The following PCSK2 variants were observed in gnomAD, a reference collection of about 807,000 sequenced individuals.
PCSK2 encodes neuroendocrine convertase 2.
Under a neutral mutation model 69.7 loss-of-function variants are expected in PCSK2, and 14 were observed. The observed-to-expected ratio is 0.20, with a 90% CI of 0.13 to 0.31. The LOEUF is 0.31. Ranked by LOEUF, PCSK2 falls within the 10% of genes least tolerant of loss-of-function variation. The pLI, the probability that PCSK2 is intolerant of heterozygous loss-of-function variation, is 1.00. For synonymous variants in PCSK2, 307 were observed against 320.7 expected (o/e 0.96, Z 0.46); for missense variants, 544 against 842.5 (o/e 0.65, Z 4.39).
At chr20:17,298,787 A>C (rs1338850563) in intron 2 of PCSK2, among the ~76,000 whole-genome samples, 2 of 152,108 alleles carry the variant, frequency 1.3e-5, no homozygotes, top group East Asian at 3.9e-4. Flanking sequence ...ACACTCTCAG[A>C]CACACTCACT....
intron 8 of PCSK2, among the ~76,000 whole-genome samples, chr20:17,445,981 T>A (rs1430136175): frequency 6.6e-6 from 1 of 152,240 alleles, no homozygotes; most frequent in East Asian, 1.9e-4. Context: ...TGAAAAGTCC[T>A]ACATCTCAGG....
intron 1 of PCSK2, among the ~76,000 whole-genome samples, chr20:17,251,976 A>G (rs534334078): frequency 3.4e-4 from 51 of 152,190 alleles, no homozygotes; most frequent in Admixed American, 1.4e-3. Flanking sequence ...ATGCTTCTCA[A>G]TGTTGCCTGG....
At chr20:17,342,012 G>A (rs979005534) in intron 2 of PCSK2, among the ~76,000 whole-genome samples, 2 of 152,278 alleles carry the variant, frequency 1.3e-5, no homozygotes, top group Admixed American at 1.3e-4. Flanking sequence ...TGGCCACAGG[G>A]GTAATTGATT....
intron 5 of PCSK2, among the ~76,000 whole-genome samples, chr20:17,376,018 G>A (rs938488583): frequency 2.0e-5 from 3 of 152,168 alleles, no homozygotes; most frequent in Non-Finnish European, 2.9e-5. Flanking sequence ...TAGGCCTTAA[G>A]AGGCCTTGTG....
chr20:17,247,833 A>G (rs2122967880), intron 1 of PCSK2, among the ~76,000 whole-genome samples: 1 of 152,316 alleles, frequency 6.6e-6, no homozygotes, highest in South Asian at 2.1e-4. Flanking sequence ...ATCTGTTCAC[A>G]ATTGGTTGCC....
chr20:17,255,220 C>T (rs1010425790), intron 1 of PCSK2, among the ~76,000 whole-genome samples: 1 of 152,222 alleles, frequency 6.6e-6, no homozygotes, highest in Admixed American at 6.5e-5. Flanking sequence ...GTGGCAAGAG[C>T]AGATAACTTT....
chr20:17,427,181 C>T (rs1803789629), intron 6 of PCSK2, among the ~76,000 whole-genome samples: 2 of 152,182 alleles, frequency 1.3e-5, no homozygotes, highest in Admixed American at 6.5e-5. Flanking sequence ...GTAACTCTCT[C>T]AGCACAGGGC....
chr20:17,235,740 T>C (rs944054396), intron 1 of PCSK2, among the ~76,000 whole-genome samples: 1 of 152,172 alleles, frequency 6.6e-6, no homozygotes, highest in Non-Finnish European at 1.5e-5. Flanking sequence ...TTGATGTTGG[T>C]ATTAGATGTA....
chr20:17,382,084 AT>A (rs11336825), intron 5 of PCSK2, among the ~76,000 whole-genome samples: 45,850 of 151,954 alleles, frequency 0.3, 7,401 homozygotes, highest in East Asian at 0.5. Context: ...TGCTTGCTTG[AT>A]TATTAATAAC....
At chr20:17,471,019 A>G (rs1372596022) in intron 11 of PCSK2, among the ~76,000 whole-genome samples, 3 of 152,244 alleles carry the variant, frequency 2.0e-5, no homozygotes, top group Admixed American at 6.5e-5. Context: ...CTACGTGTCA[A>G]TACCAGGCTA....
chr20:17,319,088 A>G (rs1180856670), intron 2 of PCSK2, among the ~76,000 whole-genome samples: 1 of 152,224 alleles, frequency 6.6e-6, no homozygotes, highest in Admixed American at 6.5e-5. Context: ...TAAATAATTA[A>G]TTGTAAATTG....
intron 1 of PCSK2, among the ~76,000 whole-genome samples, chr20:17,240,882 C>G (rs574561932): frequency 2.1e-4 from 32 of 152,270 alleles, no homozygotes; most frequent in Non-Finnish European, 1.2e-4. Flanking sequence ...AAAGCTGGTT[C>G]AATTGTATCA....
intron 1 of PCSK2, among the ~76,000 whole-genome samples, chr20:17,240,203 T>C (rs896941161): frequency 6.6e-6 from 1 of 151,986 alleles, no homozygotes; most frequent in African/African-American, 2.4e-5. Flanking sequence ...TAAGTTTCAT[T>C]GGCCAAAGCA....
chr20:17,302,722 T>A (rs1989126617), intron 2 of PCSK2, among the ~76,000 whole-genome samples: 1 of 152,170 alleles, frequency 6.6e-6, no homozygotes, highest in South Asian at 2.1e-4. Flanking sequence ...GTGAATGAGA[T>A]TTGTTTGACC....
chr20:17,240,666 A>T (rs1023499910), intron 1 of PCSK2, among the ~76,000 whole-genome samples: 1 of 152,194 alleles, frequency 6.6e-6, no homozygotes, highest in Non-Finnish European at 1.5e-5. Context: ...TTTGTGAGTG[A>T]GGCTGTATGT....
intron 5 of PCSK2, among the ~76,000 whole-genome samples, chr20:17,404,716 A>G (rs1034997007): frequency 6.6e-6 from 1 of 152,220 alleles, no homozygotes; most frequent in African/African-American, 2.4e-5. Flanking sequence ...CTGCCTAGAA[A>G]GACAAAGACT....
intron 1 of PCSK2, among the ~76,000 whole-genome samples, chr20:17,239,165 C>A (rs1452099729): frequency 1.3e-5 from 2 of 152,202 alleles, no homozygotes; most frequent in African/African-American, 4.8e-5. Context: ...AGGTGACCCA[C>A]AAATCCTATT....
At chr20:17,249,044 A>AAC (rs1986873790) in intron 1 of PCSK2, among the ~76,000 whole-genome samples, 1 of 152,168 alleles carries the variant, frequency 6.6e-6, no homozygotes, top group Non-Finnish European at 1.5e-5. Context: ...AGCCTAAGGT[A>AAC]ACACAACCGT....
intron 6 of PCSK2, among the ~76,000 whole-genome samples, chr20:17,419,208 G>A (rs999290692): frequency 6.6e-6 from 1 of 152,162 alleles, no homozygotes; most frequent in African/African-American, 2.4e-5. Flanking sequence ...TCATACATAT[G>A]CAGAACTGCT....
Sources: allele counts gnomAD v4.1 joint callset (sites outside exome capture counted in the v4.1 genomes callset), GRCh38; gene constraint gnomAD v4.1.1; transcripts MANE v1.5; gene names NCBI Gene and HGNC (gene_info 2026-07-23, HGNC 2026-07-21).